ARHGAP10: variants seen among roughly 807,000 people sequenced by gnomAD.
ARHGAP10 encodes the protein rho GTPase-activating protein 10.
Under a neutral mutation model 108.6 loss-of-function variants are expected in ARHGAP10, and 87 were observed. The ratio of observed to expected loss-of-function variants is 0.80; its 90% CI spans 0.67 to 0.96. The LOEUF is 0.96. Among genes scored for constraint, ARHGAP10 ranks in the 40% least tolerant of loss-of-function variants. The pLI, the probability that ARHGAP10 is intolerant of heterozygous loss-of-function variation, is 0.00. For missense variants in ARHGAP10, 939 were observed against 954.5 expected (o/e 0.98, Z 0.21); for synonymous variants, 347 against 341.1 (o/e 1.02, Z -0.19).
At chr4:147,852,723 T>G (rs2126825630) in intron 4 of ARHGAP10, among the ~76,000 whole-genome samples, 2 of 35,854 alleles carry the variant, frequency 5.6e-5, no homozygotes, top group African/African-American at 1.2e-4. Flanking sequence ...TTTTTTTTTT[T>G]TTTTTTTAAA....
intron 5 of ARHGAP10, chr4:147,858,070 G>T (rs1390269514): frequency 6.6e-6 from 1 of 152,256 alleles, no homozygotes; most frequent in Non-Finnish European, 1.5e-5. Flanking sequence ...TAATGCTGAG[G>T]ATTCAGGAGG....
intron 1 of ARHGAP10, among the ~76,000 whole-genome samples, chr4:147,764,247 A>G (rs1729703505): frequency 6.6e-6 from 1 of 152,078 alleles, no homozygotes; most frequent in African/African-American, 2.4e-5. Context: ...GTAATGTGAG[A>G]TGAGGGTGGG....
intron 3 of ARHGAP10, among the ~76,000 whole-genome samples, chr4:147,830,112 C>A (rs761379178): frequency 1.4e-4 from 22 of 152,360 alleles, no homozygotes; most frequent in South Asian, 2.1e-4. Context: ...GGCAGGAAAG[C>A]CCTTTGCCTA....
chr4:148,061,060 C>A (rs528530139), intron 20 of ARHGAP10, among the ~76,000 whole-genome samples: 14 of 151,500 alleles, frequency 9.2e-5, no homozygotes, highest in Non-Finnish European at 1.8e-4. Flanking sequence ...TAAACAAACA[C>A]ACCCACCCAC....
intron 19 of ARHGAP10, among the ~76,000 whole-genome samples, chr4:148,044,716 T>G (rs1728798476): frequency 6.6e-6 from 1 of 152,108 alleles, no homozygotes. Context: ...CTCGCGTCAC[T>G]TGGGCTCTTT....
At chr4:148,035,370 G>T (rs927198189) in intron 19 of ARHGAP10, among the ~76,000 whole-genome samples, 5 of 152,086 alleles carry the variant, frequency 3.3e-5, no homozygotes, top group Non-Finnish European at 2.9e-5. Context: ...TTTAGTTTTG[G>T]GGGGAATGCA....
chr4:147,787,403 C>T (rs1324556521), intron 1 of ARHGAP10, among the ~76,000 whole-genome samples: 1 of 151,690 alleles, frequency 6.6e-6, no homozygotes, highest in Non-Finnish European at 1.5e-5. Flanking sequence ...AGATGAAGCT[C>T]ATGAAGGTGA....
At chr4:147,816,454 C>G (rs1419113205) in intron 1 of ARHGAP10, among the ~76,000 whole-genome samples, 4 of 152,162 alleles carry the variant, frequency 2.6e-5, no homozygotes, top group Admixed American at 2.6e-4. Flanking sequence ...TCAAGTCATT[C>G]AAGTGACTTC....
At chr4:147,825,556 G>A (rs1208208358) in intron 3 of ARHGAP10, among the ~76,000 whole-genome samples, 2 of 152,026 alleles carry the variant, frequency 1.3e-5, no homozygotes, top group Non-Finnish European at 2.9e-5. Flanking sequence ...TACTGTAGAG[G>A]GTGTGTGAAG....
chr4:147,829,415 C>G (rs1399662222), intron 3 of ARHGAP10, among the ~76,000 whole-genome samples: 1 of 152,028 alleles, frequency 6.6e-6, no homozygotes, highest in East Asian at 1.9e-4. Flanking sequence ...TCTCAAACTC[C>G]TGACCTCGGG....
intron 1 of ARHGAP10, among the ~76,000 whole-genome samples, chr4:147,779,903 C>T (rs1730459361): frequency 6.6e-6 from 1 of 152,150 alleles, no homozygotes; most frequent in East Asian, 1.9e-4. Flanking sequence ...TAAGCCATTT[C>T]ACTGTAATTT....
At chr4:147,802,451 C>T (rs1731619519) in intron 1 of ARHGAP10, among the ~76,000 whole-genome samples, 1 of 152,210 alleles carries the variant, frequency 6.6e-6, no homozygotes, top group African/African-American at 2.4e-5. Context: ...GTATTAATGC[C>T]AGCAATGTAC....
At chr4:147,947,667 T>A (rs2126972923) in intron 15 of ARHGAP10, among the ~76,000 whole-genome samples, 1 of 152,050 alleles carries the variant, frequency 6.6e-6, no homozygotes, top group South Asian at 2.1e-4. Flanking sequence ...CCTCCCAAAG[T>A]CCTGGGATTA....
chr4:147,807,148 C>A (rs1350672565), intron 1 of ARHGAP10, among the ~76,000 whole-genome samples: 2 of 152,082 alleles, frequency 1.3e-5, no homozygotes, highest in African/African-American at 2.4e-5. Context: ...TCTGGTTTTA[C>A]TGTGTGACAT....
chr4:147,973,579 AATT>A (rs942234661), intron 18 of ARHGAP10, among the ~76,000 whole-genome samples: 3 of 152,126 alleles, frequency 2.0e-5, no homozygotes, highest in African/African-American at 4.8e-5. Flanking sequence ...ATGTGTAAGA[AATT>A]ATTGTTGACT....
At chr4:147,957,492 C>G (rs1185752203) in intron 16 of ARHGAP10, among the ~76,000 whole-genome samples, 2 of 152,142 alleles carry the variant, frequency 1.3e-5, no homozygotes, top group Admixed American at 6.5e-5. Context: ...GTTAAGCTGT[C>G]ATTTTCCGTG....
chr4:147,873,681 AACAC>A (rs67852364), intron 7 of ARHGAP10, among the ~76,000 whole-genome samples: 3,394 of 98,718 alleles, frequency 0.034, 113 homozygotes, highest in African/African-American at 0.084. Flanking sequence ...CAAAAAACAA[AACAC>A]ACACACACAC....
chr4:147,755,648 G>A (rs572618133), intron 1 of ARHGAP10, among the ~76,000 whole-genome samples: 1 of 152,346 alleles, frequency 6.6e-6, no homozygotes, highest in African/African-American at 2.4e-5. Context: ...TTAGGAAGTA[G>A]CTGTACTTTT....
chr4:147,770,625 A>G (rs369411465), intron 1 of ARHGAP10, among the ~76,000 whole-genome samples: 13 of 152,334 alleles, frequency 8.5e-5, no homozygotes, highest in African/African-American at 2.9e-4. Flanking sequence ...TAATCAGTAT[A>G]TATTGAGCAC....
Sources: allele counts gnomAD v4.1 joint callset (sites outside exome capture counted in the v4.1 genomes callset), GRCh38; gene constraint gnomAD v4.1.1; transcripts MANE v1.5; gene names NCBI Gene and HGNC (gene_info 2026-07-23, HGNC 2026-07-21).